Variants in GALNT13 observed in about 807,000 individuals in gnomAD.
GALNT13 encodes UDP-GalNAc:polypeptide N-acetylgalactosaminyltransferase 13.
Under a neutral mutation model 64.2 loss-of-function variants are expected in GALNT13, and 28 were observed. That is an observed-to-expected ratio of 0.44 (90% confidence interval 0.32 to 0.60). GALNT13 has a LOEUF of 0.60. Ranked by LOEUF, GALNT13 falls within the 20% of genes least tolerant of loss-of-function variation. The pLI is 0.05. For missense variants in GALNT13, 577 were observed against 669.8 expected (o/e 0.86, Z 1.53); for synonymous variants, 214 against 224.6 (o/e 0.95, Z 0.42).
the GALNT13 span, among the ~76,000 whole-genome samples, chr2:153,695,221 C>A: frequency 6.6e-6 from 1 of 152,124 alleles, no homozygotes; most frequent in Admixed American, 6.6e-5. Context: ...AGGCATGTGT[C>A]AAAATTCTAG....
chr2:153,219,881 C>T, the GALNT13 span, among the ~76,000 whole-genome samples: 23 of 152,298 alleles, frequency 1.5e-4, no homozygotes, highest in East Asian at 4.4e-3. Flanking sequence ...ATCTTCTTTA[C>T]ATAAGAGTAA....
rs568584060 is a variant in GALNT13 at position 154,435,236 on chromosome 2, G to T, written c.1396-3356G>T. Among the ~76,000 whole-genome samples the T allele has an allele frequency of 9.6e-4, 146 of 152,332 alleles. 1 individual carries two copies. Among genetic ancestry groups the T allele is most frequent in the Middle Eastern group, 3.4e-3 (1 of 294 alleles). ...AAGAATAGTTTCCATTATTTTAAGA[G>T]AATGTACAATGAGATTTTATTAATG... On this transcript the variant is annotated intron_variant, in intron 11 of 12. Transcript: ENST00000392825.
intron 3 of GALNT13, among the ~76,000 whole-genome samples, chr2:153,993,640 G>T (rs1490841313): frequency 6.8e-6 from 1 of 146,674 alleles, no homozygotes; most frequent in Non-Finnish European, 1.5e-5. Flanking sequence ...AGCTTGCATT[G>T]AGCCGAGATC....
chr2:153,086,018 C>G, the GALNT13 span, among the ~76,000 whole-genome samples: 114 of 152,326 alleles, frequency 7.5e-4, 3 homozygotes, highest in East Asian at 0.02. Flanking sequence ...CAAAGGAGAT[C>G]ATTTAGAAAC....
chr2:153,470,818 T>G, the GALNT13 span, among the ~76,000 whole-genome samples: 8 of 152,302 alleles, frequency 5.3e-5, no homozygotes, highest in Middle Eastern at 0.017. Flanking sequence ...AGAAAGCTCA[T>G]CTATGGAATG....
intron 4 of GALNT13, among the ~76,000 whole-genome samples, chr2:154,173,818 C>A (rs571826653): frequency 1.3e-5 from 2 of 152,110 alleles, no homozygotes; most frequent in South Asian, 4.2e-4. Flanking sequence ...AAATGTGAAG[C>A]AAAACTATAA....
chr2:153,288,263 CTA>C, the GALNT13 span, among the ~76,000 whole-genome samples: 1 of 152,068 alleles, frequency 6.6e-6, no homozygotes, highest in Admixed American at 6.5e-5. Context: ...AGAATGTGCC[CTA>C]TATGTGTGTG....
chr2:153,273,386 G>A, the GALNT13 span, among the ~76,000 whole-genome samples: 473 of 152,268 alleles, frequency 3.1e-3, 1 homozygote, highest in African/African-American at 0.011. Context: ...ATGGTATTGA[G>A]TGCTGCTTCT....
the GALNT13 span, among the ~76,000 whole-genome samples, chr2:153,338,722 C>G: frequency 2.0e-5 from 3 of 152,266 alleles, no homozygotes; most frequent in South Asian, 6.2e-4. Flanking sequence ...AGCTCTTGAA[C>G]TTATTTCTCT....
At chr2:153,211,116 A>G in the GALNT13 span, among the ~76,000 whole-genome samples, 3 of 151,548 alleles carry the variant, frequency 2.0e-5, no homozygotes, top group African/African-American at 7.2e-5. Context: ...AGCTCTTAGA[A>G]TTCTAACATT....
chr2:153,171,191 T>C, the GALNT13 span, among the ~76,000 whole-genome samples: 1 of 152,206 alleles, frequency 6.6e-6, no homozygotes, highest in African/African-American at 2.4e-5. Flanking sequence ...AACCAGTTTA[T>C]GTATAGGCAC....
chr2:154,133,564 A>T (rs1218299626), intron 3 of GALNT13, among the ~76,000 whole-genome samples: 1 of 53,310 alleles, frequency 1.9e-5, no homozygotes, highest in African/African-American at 4.7e-5. Flanking sequence ...ATATATATAT[A>T]TATATATATA....
chr2:154,356,803 T>C lies in GALNT13; in HGVS notation c.1157-39188T>C, dbSNP rs182627884. On this transcript the variant is annotated intron_variant, in intron 9 of 12. Transcript: ENST00000392825. ...CTTAAACTATAAAACTATATGTTGA[T>C]GCATATTTTTCAAATGTACATTAAA... 3.4e-3 allele frequency among the ~76,000 whole-genome samples: 515 copies of C among 152,094 alleles called. 4 individuals are homozygous for C. The highest frequency in any genetic ancestry group is 0.022 in the South Asian group (104 of 4,826).
chr2:153,890,217 A>G (rs1687464865), intron 1 of GALNT13, among the ~76,000 whole-genome samples: 1 of 152,050 alleles, frequency 6.6e-6, no homozygotes. Context: ...TTACAAATGT[A>G]TAAATTACAT....
chr2:153,907,232 C>T (rs1688629630), intron 2 of GALNT13, among the ~76,000 whole-genome samples: 1 of 151,710 alleles, frequency 6.6e-6, no homozygotes, highest in South Asian at 2.1e-4. Flanking sequence ...TTTTGCTGTG[C>T]AGAAGGGTTT....
At chr2:153,976,185 G>T (rs758740397) in intron 3 of GALNT13, among the ~76,000 whole-genome samples, 4 of 151,990 alleles carry the variant, frequency 2.6e-5, no homozygotes, top group Non-Finnish European at 1.5e-5. Flanking sequence ...GTGAAAATTT[G>T]TATATCTTAT....
At chr2:154,371,463 A>G (rs1401302352) in intron 9 of GALNT13, among the ~76,000 whole-genome samples, 1 of 151,838 alleles carries the variant, frequency 6.6e-6, no homozygotes. Flanking sequence ...ATATGTTGTT[A>G]TTACTGTAGT....
At chr2:153,118,497 C>G in the GALNT13 span, among the ~76,000 whole-genome samples, 40 of 152,256 alleles carry the variant, frequency 2.6e-4, no homozygotes, top group East Asian at 2.5e-3. Context: ...GTACAATTAT[C>G]TAATTAGTTA....
intron 4 of GALNT13, among the ~76,000 whole-genome samples, chr2:154,193,059 GTGTT>G (rs988140368): frequency 6.6e-6 from 1 of 152,200 alleles, no homozygotes; most frequent in Non-Finnish European, 1.5e-5. Flanking sequence ...CTATTAGTGT[GTGTT>G]TGTGTGTCAG....
Sources: gnomAD v4.1 joint callset for allele counts (sites outside exome capture counted in the v4.1 genomes callset) on GRCh38, gnomAD v4.1.1 for gene constraint, MANE v1.5 for transcripts, NCBI Gene and HGNC (gene_info 2026-07-23, HGNC 2026-07-21) for gene names.